Variants in IPO11 observed in about 807,000 individuals in gnomAD.
The protein encoded by IPO11 is importin-11.
In IPO11, 66 loss-of-function variants were observed where a neutral mutation model predicts 143.2. That is an observed-to-expected ratio of 0.46 (90% confidence interval 0.38 to 0.57). The LOEUF is 0.57. Among genes scored for constraint, IPO11 ranks in the 20% least tolerant of loss-of-function variants. The pLI, the probability that IPO11 is intolerant of heterozygous loss-of-function variation, is 0.00. For missense variants in IPO11, 1,026 were observed against 1,141.0 expected (o/e 0.90, Z 1.45); for synonymous variants, 385 against 377.8 (o/e 1.02, Z -0.22).
chr5:62,537,779 T>G (rs1032836820), intron 24 of IPO11, among the ~76,000 whole-genome samples: 1 of 152,124 alleles, frequency 6.6e-6, no homozygotes, highest in Non-Finnish European at 1.5e-5. Context: ...GTCTCTAAGT[T>G]GTATATTATC....
chr5:62,587,181 CTG>C (rs148859149), intron 27 of IPO11, among the ~76,000 whole-genome samples: 2 of 151,182 alleles, frequency 1.3e-5, no homozygotes, highest in Non-Finnish European at 1.5e-5. Context: ...GGCGACACTG[CTG>C]TGTGTGTGTG....
intron 4 of IPO11, 87 bp from the exon 5 acceptor site, chr5:62,451,643 A>C: frequency 1.0e-6 from 1 of 982,160 alleles, no homozygotes; most frequent in Non-Finnish European, 1.6e-6. Flanking sequence ...ATTTTTGTCA[A>C]GTGTATAATT....
chr5:62,435,092 G>GTGTATATATATGTATATATGTA (rs1744132772), intron 1 of IPO11, among the ~76,000 whole-genome samples: 1 of 58,266 alleles, frequency 1.7e-5, no homozygotes, highest in African/African-American at 6.0e-5. Flanking sequence ...GTGTATATAT[G>GTGTATATATATGTATATATGTA]TATATATGTA....
chr5:62,468,476 A>G (rs976707711), intron 6 of IPO11, among the ~76,000 whole-genome samples: 2 of 152,228 alleles, frequency 1.3e-5, no homozygotes, highest in African/African-American at 2.4e-5. Context: ...AATAAAATCC[A>G]TTGTAGAAGT....
intron 20 of IPO11, among the ~76,000 whole-genome samples, chr5:62,516,292 T>TC (rs1229936133): frequency 6.6e-6 from 1 of 152,132 alleles, no homozygotes; most frequent in Non-Finnish European, 1.5e-5. Flanking sequence ...ATAAATGCTT[T>TC]CTTTTTTTTT....
chr5:62,516,249 T>C (rs1448342230), intron 20 of IPO11, among the ~76,000 whole-genome samples: 1 of 152,190 alleles, frequency 6.6e-6, no homozygotes, highest in Admixed American at 6.5e-5. Context: ...TCAGAAGCTT[T>C]GATACTTTTT....
rs1376010984 is a variant in IPO11 at position 62,435,140 on chromosome 5, A to ATG, written c.-6-2133_-6-2132insGT. Among the ~76,000 whole-genome samples the ATG allele has an allele frequency of 4.5e-3, 244 of 54,504 alleles. 3 individuals are homozygous for ATG. Among genetic ancestry groups the ATG allele is most frequent in the Middle Eastern group, 8.8e-3 (1 of 114 alleles). 35.8% of individuals were successfully genotyped at this position (54,504 alleles called of 152,430 possible). A position where few individuals can be genotyped will look rare whatever the true frequency, so the allele number is the denominator to read the frequency against. On this transcript the variant is annotated intron_variant, in intron 1 of 29. Coordinates refer to ENST00000325324, the MANE Select transcript of IPO11 (RefSeq NM_016338.5). ...TATGTATATATGTATATATATGTATATATGTATATATGTATATATATGTAT... is the reference window on the plus strand; with the variant it reads ...TATGTATATATGTATATATATGTATATGTATGTATATATGTATATATATGTAT...
intron 19 of IPO11, among the ~76,000 whole-genome samples, chr5:62,514,255 G>A (rs1206059767): frequency 3.3e-5 from 5 of 152,078 alleles, no homozygotes; most frequent in Non-Finnish European, 7.3e-5. Context: ...GGGAGGTGGA[G>A]GCCATAGCGA....
chr5:62,624,676 C>G (rs1237490461), intron 29 of IPO11, among the ~76,000 whole-genome samples: 1 of 152,026 alleles, frequency 6.6e-6, no homozygotes, highest in Non-Finnish European at 1.5e-5. Context: ...CTTATTTTAT[C>G]CAGCCCCTAT....
At chr5:62,499,550 T>TG (rs1328050813) in intron 16 of IPO11, among the ~76,000 whole-genome samples, 1 of 148,798 alleles carries the variant, frequency 6.7e-6, no homozygotes, top group Non-Finnish European at 1.5e-5. Context: ...AACAATAAAT[T>TG]AACCACATCT....
At chr5:62,465,743 C>T (rs1745551369) in intron 5 of IPO11, among the ~76,000 whole-genome samples, 1 of 152,202 alleles carries the variant, frequency 6.6e-6, no homozygotes, top group Non-Finnish European at 1.5e-5. Flanking sequence ...GCCAAGGCAT[C>T]CCTGACTGAT....
chr5:62,487,965 TAATA>T, intron 13 of IPO11, 104 bp downstream of exon 13: 1 of 937,702 alleles, frequency 1.1e-6, no homozygotes, highest in Non-Finnish European at 1.6e-6. Context: ...CTGGGTCATA[TAATA>T]AATATGAATT....
intron 28 of IPO11, among the ~76,000 whole-genome samples, chr5:62,596,208 G>T (rs1338236705): frequency 6.8e-6 from 1 of 146,282 alleles, no homozygotes; most frequent in African/African-American, 2.6e-5. Context: ...CATCGAGGCT[G>T]CAGTGAGCTG....
intron 27 of IPO11, among the ~76,000 whole-genome samples, chr5:62,566,480 C>G (rs1274841800): frequency 2.6e-5 from 4 of 151,958 alleles, no homozygotes; most frequent in African/African-American, 9.7e-5. Context: ...TGCCTGTAAT[C>G]TCAGCACTTT....
At chr5:62,461,567 T>TAG (rs978804128) in intron 5 of IPO11, among the ~76,000 whole-genome samples, 1 of 152,240 alleles carries the variant, frequency 6.6e-6, no homozygotes, top group Non-Finnish European at 1.5e-5. Flanking sequence ...GCCATTTGTG[T>TAG]AGAGACCTTT....
At chr5:62,533,516 A>G (rs1370453071) in intron 22 of IPO11, among the ~76,000 whole-genome samples, 1 of 152,160 alleles carries the variant, frequency 6.6e-6, no homozygotes, top group Non-Finnish European at 1.5e-5. Context: ...CTGGCCGTAC[A>G]TTCTTTCATG....
chr5:62,532,328 G>T (rs1261262933), intron 22 of IPO11, among the ~76,000 whole-genome samples: 3 of 151,790 alleles, frequency 2.0e-5, no homozygotes, highest in Admixed American at 6.6e-5. Context: ...TAGTGTAGTG[G>T]TTTTTTTTGT....
At chr5:62,491,906 G>C (rs1477617311) in intron 15 of IPO11, among the ~76,000 whole-genome samples, 1 of 151,874 alleles carries the variant, frequency 6.6e-6, no homozygotes, top group African/African-American at 2.4e-5. Flanking sequence ...TCCTGACCTC[G>C]TGATCTGCCC....
chr5:62,520,469 AC>A (rs1469940159), intron 20 of IPO11, among the ~76,000 whole-genome samples: 1 of 151,948 alleles, frequency 6.6e-6, no homozygotes, highest in African/African-American at 2.4e-5. Flanking sequence ...GGTGTGCTGC[AC>A]CCATTAACTC....
Sources: allele counts gnomAD v4.1 joint callset (sites outside exome capture counted in the v4.1 genomes callset), GRCh38; gene constraint gnomAD v4.1.1; transcripts MANE v1.5; gene names NCBI Gene and HGNC (gene_info 2026-07-23, HGNC 2026-07-21).